ZNF215: variants seen among roughly 807,000 people sequenced by gnomAD.
ZNF215 encodes BWSCR2-associated zinc finger protein 2.
Under a neutral mutation model 27.2 loss-of-function variants are expected in ZNF215, and 24 were observed. The ratio of observed to expected loss-of-function variants is 0.88; its 90% CI spans 0.64 to 1.24. ZNF215 has a LOEUF of 1.24. Among genes scored for constraint, ZNF215 ranks in the 50% most tolerant of loss-of-function variants. The pLI, the probability that ZNF215 is intolerant of heterozygous loss-of-function variation, is 0.00. For missense variants in ZNF215, 675 were observed against 605.7 expected, an observed-to-expected ratio of 1.11 and a Z score of -1.20; for synonymous variants, 210 against 204.0, an observed-to-expected ratio of 1.03 and a Z score of -0.25.
In ZNF215 at chr11:6,941,551, T is replaced by C. The variant is rs769945123; in HGVS notation, c.401-20T>C. ...CAGGGCAAAACTTGTCTCCCTAATA[T>C]TTTCCTTCATCTTCCTCAGATATGC... is the stretch of plus-strand genomic sequence containing the variant. On this transcript the variant is annotated intron_variant, in intron 3 of 6. Transcript: ENST00000278319. 2.4e-5 allele frequency: 38 copies of C among 1,610,920 alleles called. No individual in the cohort carries two copies. The highest frequency in any genetic ancestry group is 3.4e-5 in the Admixed American group (2 of 59,208).
At chr11:6,953,206 G>A (rs1378035352) in intron 6 of ZNF215, among the ~76,000 whole-genome samples, 2 of 152,014 alleles carry the variant, frequency 1.3e-5, no homozygotes, top group African/African-American at 4.8e-5. Context: ...TCTGACAATT[G>A]TATGTCTTGG....
intron 5 of ZNF215, among the ~76,000 whole-genome samples, chr11:6,976,861 A>C (rs1850844498): frequency 6.6e-6 from 1 of 152,088 alleles, no homozygotes; most frequent in Non-Finnish European, 1.5e-5. Context: ...TAATGGCTTA[A>C]AACAACTCAT....
chr11:6,932,199 C>T lies in ZNF215; in HGVS notation c.-74C>T. The T allele has an allele frequency of 1.3e-6, 2 of 1,544,062 alleles. No individual in the cohort carries two copies. The highest frequency in any genetic ancestry group is 2.5e-5 in the South Asian group (2 of 79,632). On this transcript the variant is annotated 5_prime_UTR_variant, in exon 3 of 7. Coordinates refer to ENST00000278319, the MANE Select transcript of ZNF215 (RefSeq NM_013250.4). Reference sequence around the variant, plus strand: ...TCACACTGCATATAGTACACAGGTGCTTAGCTCAAGCCTGAGAATTACTGC... The same window carrying T: ...TCACACTGCATATAGTACACAGGTGTTTAGCTCAAGCCTGAGAATTACTGC...
chr11:6,930,396 A>G (rs1849214539), intron 2 of ZNF215, among the ~76,000 whole-genome samples: 3 of 152,190 alleles, frequency 2.0e-5, no homozygotes. Context: ...AATTCAGCCA[A>G]ATACAAGTTC....
rs756495518 is a variant in ZNF215 at position 6,956,475 on chromosome 11, A to G, written c.1498A>G (p.Asn500Asp). 8 of 1,612,998 alleles carry G rather than the reference A, an allele frequency of 5.0e-6. No homozygotes were observed. Among genetic ancestry groups the G allele is most frequent in the Non-Finnish European group, 6.8e-6 (8 of 1,179,758 alleles). ...ATGTAAGGAATGTAGTAAAGCCTTC[A>G]ACAGGAGTTCAAACCTTGTTAAACA... ...FKCKECSKAFNRSSNLVKHQK... is the reference protein window; with the variant it reads ...FKCKECSKAFDRSSNLVKHQK... The change falls in exon 7 of 7, where the codon AAC becomes GAC. Residue 500 changes from asparagine (N) to aspartate (D), a missense_variant. Physicochemically the swap from Asn to Asp is conservative, Grantham distance 23. Transcript: ENST00000278319.
At chr11:6,975,934 C>T (rs1850825972) in intron 5 of ZNF215, among the ~76,000 whole-genome samples, 1 of 152,090 alleles carries the variant, frequency 6.6e-6, no homozygotes, top group Non-Finnish European at 1.5e-5. Flanking sequence ...AACTGTTCTT[C>T]ATAGTGGCTG....
intron 5 of ZNF215, among the ~76,000 whole-genome samples, chr11:6,979,137 G>A (rs1552721): frequency 6.6e-6 from 1 of 151,924 alleles, no homozygotes; most frequent in African/African-American, 2.4e-5. Context: ...AGGGATATAT[G>A]TGCCAATTAC....
intron 2 of ZNF215, among the ~76,000 whole-genome samples, chr11:6,931,478 G>C (rs1209399805): frequency 6.6e-6 from 1 of 152,220 alleles, no homozygotes. Flanking sequence ...TGGTAGTCTT[G>C]CAAGTCTAAA....
chr11:6,951,697 T>C (rs1045319196), intron 6 of ZNF215, among the ~76,000 whole-genome samples: 10 of 152,148 alleles, frequency 6.6e-5, no homozygotes, highest in Non-Finnish European at 1.0e-4. Context: ...CCTGGATTCA[T>C]TAATTTTTTG....
downstream of ZNF215, among the ~76,000 whole-genome samples, chr11:6,989,154 A>C (rs1182355366): frequency 6.3e-3 from 634 of 100,836 alleles, no homozygotes; most frequent in African/African-American, 0.021. Flanking sequence ...CCGTCTCAAA[A>C]AAAAAAAAAA....
chr11:6,973,717 A>G (rs1392405707), intron 5 of ZNF215, among the ~76,000 whole-genome samples: 2 of 152,152 alleles, frequency 1.3e-5, no homozygotes, highest in African/African-American at 4.8e-5. Flanking sequence ...GTCTGTTCAT[A>G]TCCTTCACCC....
intron 5 of ZNF215, among the ~76,000 whole-genome samples, chr11:6,966,610 A>G (rs2452148): frequency 0.99 from 150,447 of 152,308 alleles, 74,324 homozygotes; most frequent in Middle Eastern, 1. Context: ...TATAGGATCT[A>G]TAGTCCCTTC....
At chr11:6,938,989 G>C (rs1849538413) in intron 3 of ZNF215, among the ~76,000 whole-genome samples, 1 of 152,110 alleles carries the variant, frequency 6.6e-6, no homozygotes, top group African/African-American at 2.4e-5. Context: ...GAAAATTAAA[G>C]AATCAATGTA....
At chr11:6,984,817 T>C (rs928291909), downstream of ZNF215, among the ~76,000 whole-genome samples, 15 of 150,836 alleles carry the variant, frequency 9.9e-5, no homozygotes, top group Admixed American at 8.6e-4. Flanking sequence ...AATTGGGTTT[T>C]CACAATCTTT....
chr11:6,945,802 C>G (rs1849794959), intron 6 of ZNF215, among the ~76,000 whole-genome samples: 3 of 152,252 alleles, frequency 2.0e-5, no homozygotes, highest in South Asian at 4.1e-4. Flanking sequence ...CTTTTCTTCC[C>G]TAGTTTATTA....
chr11:6,942,660 T>C (rs989319925), intron 4 of ZNF215, among the ~76,000 whole-genome samples: 1 of 152,124 alleles, frequency 6.6e-6, no homozygotes, highest in African/African-American at 2.4e-5. Flanking sequence ...TTAAAGAAAA[T>C]GCCCTACCTC....
chr11:6,992,466 G>A (rs951718598), downstream of ZNF215, among the ~76,000 whole-genome samples: 1 of 152,116 alleles, frequency 6.6e-6, no homozygotes, highest in Non-Finnish European at 1.5e-5. Flanking sequence ...TAATATGACA[G>A]GATATCAACT....
chr11:6,961,276 A>T (rs1390020640), downstream of ZNF215, among the ~76,000 whole-genome samples: 1 of 152,092 alleles, frequency 6.6e-6, no homozygotes, highest in African/African-American at 2.4e-5. Flanking sequence ...TCAGGGTTAT[A>T]TTCAGATCTA....
chr11:6,956,073 G>A lies in ZNF215; in HGVS notation c.1096G>A (p.Asp366Asn). The change falls in exon 7 of 7, where the codon GAT (aspartate) becomes AAT (asparagine). Residue 366 changes from aspartate to asparagine, a missense_variant. Physicochemically the swap from Asp to Asn is conservative, Grantham distance 23 (BLOSUM62 1). Coordinates refer to ENST00000278319, the MANE Select transcript of ZNF215 (RefSeq NM_013250.4). ...EYGNDLSLSTDIRHQKSHTTM... is the reference protein window; with the variant it reads ...EYGNDLSLSTNIRHQKSHTTM... Reference sequence around the variant, plus strand: ...TGGGAATGACTTGAGTTTGAGTACAGATATTCGACACCAAAAAAGTCATAC... The same window carrying A: ...TGGGAATGACTTGAGTTTGAGTACAAATATTCGACACCAAAAAAGTCATAC... 1 of 1,611,936 alleles carries A rather than the reference G, an allele frequency of 6.2e-7. No individual in the cohort carries two copies. The highest frequency in any genetic ancestry group is 1.1e-5 in the South Asian group (1 of 90,382).
Sources: allele counts gnomAD v4.1 joint callset (sites outside exome capture counted in the v4.1 genomes callset), GRCh38; gene constraint gnomAD v4.1.1; transcripts MANE v1.5; gene names NCBI Gene and HGNC (gene_info 2026-07-23, HGNC 2026-07-21).